Variants in ADK observed in about 807,000 individuals in gnomAD.
The protein encoded by ADK is N6,N6-dimethyladenosine kinase.
ADK carries 24 observed loss-of-function variants against 44.7 expected under a neutral mutation model. The ratio of observed to expected loss-of-function variants is 0.54; its 90% CI spans 0.39 to 0.76. The LOEUF (loss-of-function observed/expected upper bound fraction) is 0.76, where lower values mean the gene tolerates loss of function less well. Among genes scored for constraint, ADK ranks in the 30% least tolerant of loss-of-function variants. The pLI is 0.00. For synonymous variants in ADK, 128 were observed against 142.6 expected (o/e 0.90, Z 0.73); for missense variants, 321 against 425.1 (o/e 0.76, Z 2.15).
intron 2 of ADK, among the ~76,000 whole-genome samples, chr10:74,206,591 C>G (rs563878509): frequency 6.6e-6 from 1 of 152,288 alleles, no homozygotes; most frequent in African/African-American, 2.4e-5. Context: ...TCAGATATGA[C>G]AAGAATGACC....
intron 3 of ADK, among the ~76,000 whole-genome samples, chr10:74,299,205 A>G (rs1839916786): frequency 6.6e-6 from 1 of 152,018 alleles, no homozygotes; most frequent in Admixed American, 6.6e-5. Context: ...GTAAAAATAT[A>G]TGTGGAGGCC....
chr10:74,515,890 T>C (rs1848549214), intron 6 of ADK, among the ~76,000 whole-genome samples: 1 of 152,168 alleles, frequency 6.6e-6, no homozygotes, highest in South Asian at 2.1e-4. Context: ...GGGTCCAGCC[T>C]TCACCAGCTT....
chr10:74,197,696 TA>T (rs1468748427), intron 1 of ADK, among the ~76,000 whole-genome samples: 53 of 79,266 alleles, frequency 6.7e-4, no homozygotes, highest in Admixed American at 1.6e-3. Flanking sequence ...AGACTCCGTC[TA>T]AAAAAAAAAA....
Position 74,600,472 on chromosome 10 carries a change from G to A in ADK, c.856G>A (p.Asp286Asn). Residue 286 changes from aspartate to asparagine, a missense_variant, in exon 9 of 11, where the codon GAT (aspartate) becomes AAT (asparagine). Coordinates refer to ENST00000539909, the MANE Select transcript of ADK (RefSeq NM_006721.4). ...AATCGTGATCTTCACCCAAGGGAGA[G>A]ATGACACTATAATGGCTACAGGTAC... ...QRIVIFTQGR[D>N]DTIMATESEV... 1.2e-6 allele frequency: 2 copies of A among 1,610,146 alleles called. No homozygotes were observed. Among genetic ancestry groups the A allele is most frequent in the Non-Finnish European group, 1.7e-6 (2 of 1,177,656 alleles).
chr10:74,642,630 T>A (rs1471459514), intron 9 of ADK, among the ~76,000 whole-genome samples: 1 of 152,074 alleles, frequency 6.6e-6, no homozygotes, highest in African/African-American at 2.4e-5. Context: ...AAATATTTAC[T>A]AAAATTATCC....
chr10:74,441,384 A>G (rs1373752419), intron 6 of ADK, among the ~76,000 whole-genome samples: 1 of 152,170 alleles, frequency 6.6e-6, no homozygotes, highest in Non-Finnish European at 1.5e-5. Flanking sequence ...CAGCAATTCC[A>G]CTTTTAGATA....
chr10:74,623,268 G>A (rs1265961089), intron 9 of ADK, among the ~76,000 whole-genome samples: 9 of 151,962 alleles, frequency 5.9e-5, no homozygotes, highest in Non-Finnish European at 1.0e-4. Context: ...AGAATTATCT[G>A]GCCCAAATTA....
At chr10:74,295,003 A>T (rs1370931781) in intron 3 of ADK, among the ~76,000 whole-genome samples, 3 of 151,920 alleles carry the variant, frequency 2.0e-5, no homozygotes, top group Non-Finnish European at 4.4e-5. Context: ...CTACAGGCGT[A>T]TGCCATCATG....
intron 10 of ADK, among the ~76,000 whole-genome samples, chr10:74,703,121 C>A (rs747920692): frequency 1.3e-5 from 2 of 152,042 alleles, no homozygotes; most frequent in Non-Finnish European, 2.9e-5. Context: ...TGAACTTAAT[C>A]ATGAGAAAAT....
chr10:74,321,450 A>G (rs1840806143), intron 4 of ADK, among the ~76,000 whole-genome samples: 1 of 151,770 alleles, frequency 6.6e-6, no homozygotes, highest in Admixed American at 6.6e-5. Flanking sequence ...CACCCACCTT[A>G]TTTTTAACTT....
chr10:74,414,600 G>A (rs760646780), intron 6 of ADK, among the ~76,000 whole-genome samples: 27 of 152,108 alleles, frequency 1.8e-4, no homozygotes, highest in Non-Finnish European at 3.1e-4. Context: ...GCCGGGCGTG[G>A]TGGCGCATGC....
intron 9 of ADK, among the ~76,000 whole-genome samples, chr10:74,630,855 CA>C (rs1236038862): frequency 6.6e-6 from 1 of 152,104 alleles, no homozygotes; most frequent in Non-Finnish European, 1.5e-5. Context: ...ATAAACTTCT[CA>C]ATTCAAAATT....
At chr10:74,650,720 A>G (rs1327569129) in intron 9 of ADK, among the ~76,000 whole-genome samples, 5 of 152,168 alleles carry the variant, frequency 3.3e-5, no homozygotes, top group Admixed American at 1.3e-4. Context: ...AATGACATCA[A>G]CCTTGCAGTA....
At chr10:74,197,487 G>A (rs775506572) in intron 1 of ADK, among the ~76,000 whole-genome samples, 2 of 152,000 alleles carry the variant, frequency 1.3e-5, no homozygotes, top group Admixed American at 6.5e-5. Flanking sequence ...ATCATTTGAA[G>A]CCAGGGGTTC....
chr10:74,498,076 G>A (rs963810409), intron 6 of ADK, among the ~76,000 whole-genome samples: 44 of 151,826 alleles, frequency 2.9e-4, no homozygotes, highest in Admixed American at 6.6e-5. Flanking sequence ...TTTTTAGTAG[G>A]GATGGGATTT....
intron 6 of ADK, among the ~76,000 whole-genome samples, chr10:74,408,461 C>T (rs1300428730): frequency 2.0e-5 from 3 of 152,120 alleles, no homozygotes; most frequent in Admixed American, 6.6e-5. Context: ...AGAAAATGAT[C>T]ATAACCATCA....
At chr10:74,477,700 C>G (rs1201364827) in intron 6 of ADK, among the ~76,000 whole-genome samples, 1 of 152,126 alleles carries the variant, frequency 6.6e-6, no homozygotes, top group Non-Finnish European at 1.5e-5. Flanking sequence ...TAGTCTCACA[C>G]CTTCCCTCTC....
intron 3 of ADK, among the ~76,000 whole-genome samples, chr10:74,303,719 G>A (rs1840156329): frequency 6.7e-6 from 1 of 149,448 alleles, no homozygotes; most frequent in Non-Finnish European, 1.5e-5. Context: ...TGTAATCCCA[G>A]CACTTTGGGA....
At chr10:74,247,224 GTTTTTTTTTTTT>G (rs142274121) in intron 3 of ADK, among the ~76,000 whole-genome samples, 27 of 72,006 alleles carry the variant, frequency 3.7e-4, no homozygotes, top group African/African-American at 1.6e-3. Flanking sequence ...TTTTTTTTAA[GTTTTTTTTTTTT>G]TTTTTTTTTT....
Sources: allele counts gnomAD v4.1 joint callset (sites outside exome capture counted in the v4.1 genomes callset), GRCh38; gene constraint gnomAD v4.1.1; transcripts MANE v1.5; gene names NCBI Gene and HGNC (gene_info 2026-07-23, HGNC 2026-07-21).